The following AGBL4 variants were observed in gnomAD, a reference collection of about 807,000 sequenced individuals.
AGBL4 encodes cytosolic carboxypeptidase 6.
A neutral mutation model predicts 66.4 loss-of-function variants in AGBL4; 58 were observed. The ratio of observed to expected loss-of-function variants is 0.87; its 90% confidence interval spans 0.71 to 1.09. AGBL4 has a LOEUF of 1.09. AGBL4 is among the 50% of genes least tolerant of loss of function. The probability of loss-of-function intolerance (pLI) is 0.00; values close to 1 mark genes in which losing one functional copy is unlikely to be tolerated. For missense variants in AGBL4, 579 were observed against 631.0 expected (o/e 0.92, Z 0.88); for synonymous variants, 234 against 222.9 (o/e 1.05, Z -0.44).
At chr1:48,613,708 T>A (rs1005833812) in intron 9 of AGBL4, among the ~76,000 whole-genome samples, 1 of 152,214 alleles carries the variant, frequency 6.6e-6, no homozygotes, top group Non-Finnish European at 1.5e-5. Flanking sequence ...GGGCCCTAGA[T>A]GAGGGATACA....
chr1:48,901,751 A>ATAAATAATCTCTTCTTCTCAC (rs1553122033), intron 5 of AGBL4, among the ~76,000 whole-genome samples: 3 of 152,152 alleles, frequency 2.0e-5, no homozygotes, highest in African/African-American at 7.2e-5. Flanking sequence ...ATGAGTGGGA[A>ATAAATAATCTCTTCTTCTCAC]TAGGGGAGGG....
At chr1:49,812,656 T>C (rs1225808057) in intron 2 of AGBL4, among the ~76,000 whole-genome samples, 2 of 152,146 alleles carry the variant, frequency 1.3e-5, no homozygotes, top group African/African-American at 4.8e-5. Flanking sequence ...AGACCACTAA[T>C]GCCCACAGTG....
chr1:48,678,449 TC>T (rs917183241), intron 6 of AGBL4, among the ~76,000 whole-genome samples: 15 of 152,142 alleles, frequency 9.9e-5, no homozygotes, highest in African/African-American at 3.6e-4. Context: ...CTTGAGAATT[TC>T]CCCGGAACCC....
intron 6 of AGBL4, chr1:48,759,118 G>C: frequency 1.9e-6 from 3 of 1,612,310 alleles, no homozygotes; most frequent in Middle Eastern, 1.7e-4. Flanking sequence ...GGGCACCACA[G>C]CATCTTCTAG....
chr1:48,536,057 G>T (rs1407266237), intron 12 of AGBL4, among the ~76,000 whole-genome samples: 1 of 152,074 alleles, frequency 6.6e-6, no homozygotes. Flanking sequence ...CATGCTAGAG[G>T]TATGTACAAA....
At chr1:49,272,526 A>C (rs1024312106) in intron 3 of AGBL4, among the ~76,000 whole-genome samples, 5 of 152,162 alleles carry the variant, frequency 3.3e-5, no homozygotes, top group African/African-American at 1.2e-4. Flanking sequence ...AACACACCTA[A>C]AATTTTTATT....
chr1:48,637,498 A>T (rs1335194756), intron 8 of AGBL4, among the ~76,000 whole-genome samples: 1 of 152,196 alleles, frequency 6.6e-6, no homozygotes, highest in East Asian at 1.9e-4. Context: ...CGGAAGCCAG[A>T]TGAGCCAGAT....
At chr1:49,671,548 A>C (rs954474839) in intron 3 of AGBL4, among the ~76,000 whole-genome samples, 1 of 152,174 alleles carries the variant, frequency 6.6e-6, no homozygotes, top group African/African-American at 2.4e-5. Flanking sequence ...TAAACAGACA[A>C]CCTACAGAAT....
intron 3 of AGBL4, among the ~76,000 whole-genome samples, chr1:49,261,001 A>C (rs1397268796): frequency 1.3e-5 from 2 of 151,780 alleles, no homozygotes; most frequent in Non-Finnish European, 2.9e-5. Flanking sequence ...AGGCTGGTTC[A>C]ATATATGCCA....
At chr1:48,628,039 G>A (rs1266083418) in intron 9 of AGBL4, among the ~76,000 whole-genome samples, 3 of 152,182 alleles carry the variant, frequency 2.0e-5, no homozygotes. Context: ...ATTTTCTAAA[G>A]CATGCATTGT....
At chr1:49,083,239 G>A (rs979253332) in intron 4 of AGBL4, among the ~76,000 whole-genome samples, 1 of 152,204 alleles carries the variant, frequency 6.6e-6, no homozygotes, top group African/African-American at 2.4e-5. Context: ...CCACTAAGCA[G>A]TGTCCCAGTG....
At chr1:49,389,127 A>G (rs1644796950) in intron 3 of AGBL4, among the ~76,000 whole-genome samples, 1 of 152,116 alleles carries the variant, frequency 6.6e-6, no homozygotes, top group Non-Finnish European at 1.5e-5. Context: ...TGTGGCACCA[A>G]AAACCTCTTT....
intron 5 of AGBL4, among the ~76,000 whole-genome samples, chr1:49,044,158 T>C (rs1644016512): frequency 6.6e-6 from 1 of 152,060 alleles, no homozygotes; most frequent in Non-Finnish European, 1.5e-5. Flanking sequence ...GAATCCACTA[T>C]GAAGAACAAC....
chr1:48,728,499 A>C (rs368392861), intron 6 of AGBL4, among the ~76,000 whole-genome samples: 1 of 67,068 alleles, frequency 1.5e-5, no homozygotes. Context: ...TTTTTTTTTT[A>C]CTCAAATGTT....
At chr1:49,009,343 C>T (rs1249086863) in intron 5 of AGBL4, among the ~76,000 whole-genome samples, 83 of 152,146 alleles carry the variant, frequency 5.5e-4, no homozygotes, top group African/African-American at 1.9e-3. Flanking sequence ...AGTTGAATCT[C>T]TGAATAGACC....
rs76894718 is a variant in AGBL4 at position 49,133,715 on chromosome 1, C to A, written c.378-87915G>T. 4.0e-3 allele frequency among the ~76,000 whole-genome samples: 609 copies of A among 152,054 alleles called. 1 individual carries two copies. Among genetic ancestry groups the A allele is most frequent in the African/African-American group, 0.014 (562 of 41,490 alleles). ...ATGTTCTTCTTTGGTTCGGTAATATCCCTGCTAAATATTTATCCTCAGGAA... is the reference window on the plus strand; with the variant it reads ...ATGTTCTTCTTTGGTTCGGTAATATACCTGCTAAATATTTATCCTCAGGAA... On this transcript the variant is annotated intron_variant, in intron 4 of 13. Coordinates refer to ENST00000371839, the MANE Select transcript of AGBL4 (RefSeq NM_032785.4).
intron 6 of AGBL4, among the ~76,000 whole-genome samples, chr1:48,857,005 G>C (rs925042089): frequency 6.6e-6 from 1 of 152,130 alleles, no homozygotes; most frequent in Non-Finnish European, 1.5e-5. Context: ...TTTAGAATAC[G>C]ATTTAGATTT....
At chr1:49,703,907 C>T (rs1251999477) in intron 2 of AGBL4, among the ~76,000 whole-genome samples, 1 of 151,960 alleles carries the variant, frequency 6.6e-6, no homozygotes, top group African/African-American at 2.4e-5. Context: ...ATGAAAATAA[C>T]TGCAGTAGCA....
At chr1:49,992,748 T>G (rs1316207190) in intron 1 of AGBL4, among the ~76,000 whole-genome samples, 2 of 152,156 alleles carry the variant, frequency 1.3e-5, no homozygotes, top group Non-Finnish European at 2.9e-5. Context: ...CCAATTGCTC[T>G]GCCAGGCAGA....
Sources: allele counts gnomAD v4.1 joint callset (sites outside exome capture counted in the v4.1 genomes callset), GRCh38; gene constraint gnomAD v4.1.1; transcripts MANE v1.5; gene names NCBI Gene and HGNC (gene_info 2026-07-23, HGNC 2026-07-21).